SCFD2: variants seen among roughly 807,000 people sequenced by gnomAD.
SCFD2 encodes the protein sec1 family domain containing 2.
A neutral mutation model predicts 58.9 loss-of-function variants in SCFD2; 54 were observed. The observed-to-expected ratio is 0.92, with a 90% CI of 0.74 to 1.15. SCFD2 has a LOEUF of 1.15. Ranked by LOEUF, SCFD2 falls within the 50% of genes most tolerant of loss-of-function variation. The pLI is 0.00. For synonymous variants in SCFD2, 321 were observed against 335.9 expected, an observed-to-expected ratio of 0.96 and a Z score of 0.49; for missense variants, 805 against 836.6, an observed-to-expected ratio of 0.96 and a Z score of 0.47.
At chr4:53,212,602 G>GTGTGTGTGTGTGTGTGTT (rs57906429) in intron 4 of SCFD2, among the ~76,000 whole-genome samples, 1,826 of 150,438 alleles carry the variant, frequency 0.012, 40 homozygotes, top group African/African-American at 0.035. Context: ...GTGTGTGTGT[G>GTGTGTGTGTGTGTGTGTT]TGTGTGCATG....
At chr4:53,058,497 G>A (rs1723414772) in intron 5 of SCFD2, among the ~76,000 whole-genome samples, 1 of 152,120 alleles carries the variant, frequency 6.6e-6, no homozygotes. Context: ...TGGGCTGGCT[G>A]CACATTGGTA....
At position 53,352,622 on chromosome 4, in the gene SCFD2, G is replaced by A. The variant is rs533514727; in HGVS notation, c.983C>T (p.Ala328Val). 1.5e-5 allele frequency: 25 copies of A among 1,613,566 alleles called. No homozygotes were observed. In the African/African-American group the frequency reaches 2.3e-4, roughly 15 times the overall value. The change falls in exon 2 of 9, where the codon GCA becomes GTA. Residue 328 changes from alanine to valine, a missense_variant. Ala to Val is a moderately conservative substitution (Grantham distance 64). This residue lies in a region of SCFD2 where 633 missense variants were observed against 646.8 expected (regional missense o/e 0.98). Coordinates refer to ENST00000401642, the MANE Select transcript of SCFD2 (RefSeq NM_152540.4). ...CCTGGATTGTGAAAGACAGCCTGGT[G>A]CAACCACATTATAATTTTCCTCCTC... is the stretch of plus-strand genomic sequence containing the variant. ...HTEEENYNVV[A>V]PGCLSQSSDT...
rs536916290 is a variant in SCFD2 at position 53,182,979 on chromosome 4, G to A, written c.1312-37397C>T. ...ACCATCACACCCCAGTTAGAATGGC[G>A]ATCATTAAAAAGTCAGGAAACAACA... On this transcript the variant is annotated intron_variant, in intron 4 of 8. Coordinates refer to ENST00000401642, the MANE Select transcript of SCFD2 (RefSeq NM_152540.4). Among the ~76,000 whole-genome samples, 59 of 152,152 alleles carry A rather than the reference G, an allele frequency of 3.9e-4. No homozygotes were observed. The South Asian group carries it at 6.0e-3, about 16-fold the overall frequency.
chr4:53,141,452 A>T (rs991026441), intron 5 of SCFD2, among the ~76,000 whole-genome samples: 1 of 152,168 alleles, frequency 6.6e-6, no homozygotes, highest in Non-Finnish European at 1.5e-5. Flanking sequence ...ACAGGAAAAA[A>T]ACAAAACAAA....
intron 2 of SCFD2, among the ~76,000 whole-genome samples, chr4:53,336,241 T>C (rs1422309803): frequency 1.3e-5 from 2 of 152,132 alleles, no homozygotes; most frequent in Admixed American, 6.6e-5. Flanking sequence ...AGCTCTAATA[T>C]TGGAAAAGTC....
intron 5 of SCFD2, among the ~76,000 whole-genome samples, chr4:53,019,820 T>C (rs1466863017): frequency 2.0e-5 from 3 of 152,166 alleles, no homozygotes; most frequent in Non-Finnish European, 4.4e-5. Context: ...TGGTAGGTCT[T>C]AGGTGATTAC....
At chr4:53,207,158 G>A (rs1728430547) in intron 4 of SCFD2, among the ~76,000 whole-genome samples, 2 of 151,764 alleles carry the variant, frequency 1.3e-5, no homozygotes, top group Admixed American at 1.3e-4. Flanking sequence ...TAATCCATTA[G>A]TGACGGTTTT....
At chr4:53,294,257 C>G (rs1731944392) in intron 3 of SCFD2, among the ~76,000 whole-genome samples, 1 of 152,122 alleles carries the variant, frequency 6.6e-6, no homozygotes, top group African/African-American at 2.4e-5. Flanking sequence ...TACACTCCCA[C>G]CAACAGTGTA....
At chr4:52,921,011 T>C in intron 5 of SCFD2, 141 bp from the exon 6 acceptor site, 1 of 429,650 alleles carries the variant, frequency 2.3e-6, no homozygotes, top group Non-Finnish European at 3.9e-6. Context: ...TTACCCTGTT[T>C]TCCTCTGGCT....
At chr4:53,070,333 CA>C (rs1438093700) in intron 5 of SCFD2, among the ~76,000 whole-genome samples, 1 of 151,838 alleles carries the variant, frequency 6.6e-6, no homozygotes, top group Non-Finnish European at 1.5e-5. Flanking sequence ...TTGTACAAAG[CA>C]AAAGCATTAA....
At chr4:53,337,871 TA>T (rs34974545) in intron 2 of SCFD2, among the ~76,000 whole-genome samples, 31 of 152,048 alleles carry the variant, frequency 2.0e-4, no homozygotes, top group Admixed American at 9.2e-4. Flanking sequence ...TTTGCTTCAG[TA>T]AAAAAAATGC....
chr4:53,026,304 T>G lies in SCFD2; in HGVS notation c.1562-105434A>C, dbSNP rs182887804. Among the ~76,000 whole-genome samples the G allele has an allele frequency of 2.4e-4, 36 of 152,342 alleles. No individual in the cohort carries two copies. In the East Asian group the frequency reaches 6.4e-3, roughly 27 times the overall value. ...AAAGGAAAACTTGCCCAGAGCCCAC[T>G]GCTAATTAGAGGCATAACTTAATTA... On this transcript the variant is annotated intron_variant, in intron 5 of 8. Coordinates refer to ENST00000401642, the MANE Select transcript of SCFD2 (RefSeq NM_152540.4).
At chr4:53,292,334 G>GACTCT (rs1731869304) in intron 3 of SCFD2, among the ~76,000 whole-genome samples, 1 of 151,776 alleles carries the variant, frequency 6.6e-6, no homozygotes, top group Admixed American at 6.6e-5. Context: ...GAGTCTACAA[G>GACTCT]GATATTAAAC....
intron 5 of SCFD2, among the ~76,000 whole-genome samples, chr4:52,963,327 G>C (rs553765408): frequency 6.6e-6 from 1 of 152,200 alleles, no homozygotes; most frequent in Non-Finnish European, 1.5e-5. Flanking sequence ...GGTTGGAGGA[G>C]AAGTGAGAAT....
At chr4:53,221,181 G>A (rs1294727514) in intron 4 of SCFD2, among the ~76,000 whole-genome samples, 1 of 152,064 alleles carries the variant, frequency 6.6e-6, no homozygotes, top group African/African-American at 2.4e-5. Context: ...ACACAAATGA[G>A]GAAAATAGGG....
chr4:53,077,704 C>G (rs533579283), intron 5 of SCFD2, among the ~76,000 whole-genome samples: 1 of 152,248 alleles, frequency 6.6e-6, no homozygotes, highest in African/African-American at 2.4e-5. Flanking sequence ...CCCCAAAGTG[C>G]TAGGATTACA....
intron 4 of SCFD2, among the ~76,000 whole-genome samples, chr4:53,223,658 GC>G (rs1729114835): frequency 6.6e-6 from 1 of 152,140 alleles, no homozygotes; most frequent in African/African-American, 2.4e-5. Context: ...CGTTTGGCTT[GC>G]CTAGATGCAA....
intron 2 of SCFD2, among the ~76,000 whole-genome samples, chr4:53,347,827 G>A (rs1241448366): frequency 6.6e-6 from 1 of 152,220 alleles, no homozygotes; most frequent in Non-Finnish European, 1.5e-5. Context: ...AAGGCATACA[G>A]AGAGCAATGG....
At chr4:53,216,940 A>T (rs559452577) in intron 4 of SCFD2, among the ~76,000 whole-genome samples, 8 of 152,174 alleles carry the variant, frequency 5.3e-5, no homozygotes, top group African/African-American at 1.9e-4. Context: ...TTCAGTTTCC[A>T]TGTAGCTGAG....
Sources: allele counts gnomAD v4.1 joint callset (sites outside exome capture counted in the v4.1 genomes callset), GRCh38; gene constraint gnomAD v4.1.1; regional missense constraint gnomAD v4.1.1; transcripts MANE v1.5; gene names NCBI Gene and HGNC (gene_info 2026-07-23, HGNC 2026-07-21).